Variants in SERPINA11 observed in about 807,000 individuals in gnomAD.
The protein encoded by SERPINA11 is serpin A11.
SERPINA11 carries 28 observed loss-of-function variants against 29.4 expected under a neutral mutation model. The observed-to-expected ratio is 0.95, with a 90% CI of 0.70 to 1.30. The LOEUF is 1.30. SERPINA11 is among the 50% of genes most tolerant of loss of function. The probability of loss-of-function intolerance (pLI) is 0.00; values close to 1 mark genes in which losing one functional copy is unlikely to be tolerated. For synonymous variants in SERPINA11, 253 were observed against 206.6 expected (o/e 1.22, Z -1.92); for missense variants, 530 against 507.3 (o/e 1.04, Z -0.43).
At chr14:94,449,525 CTT>C (rs1478827952) in intron 1 of SERPINA11, among the ~76,000 whole-genome samples, 11 of 138,556 alleles carry the variant, frequency 7.9e-5, no homozygotes, top group African/African-American at 1.9e-4. Flanking sequence ...TTCTTTCTTT[CTT>C]TTTCTTTCTT....
At chr14:94,447,993 G>A in intron 2 of SERPINA11, 139 bp downstream of exon 2, 2 of 808,918 alleles carry the variant, frequency 2.5e-6, no homozygotes, top group Non-Finnish European at 4.0e-6. Context: ...ATGGACTGTG[G>A]CTACGCAAGG....
At chr14:94,442,993 T>A (rs1898371773) in intron 4 of SERPINA11, 85 bp downstream of exon 4, 2 of 1,481,420 alleles carry the variant, frequency 1.4e-6, no homozygotes, top group East Asian at 4.5e-5. Context: ...AACAAGGAAC[T>A]TGACTTTTAA....
intron 1 of SERPINA11, 134 bp from the exon 2 acceptor site, chr14:94,448,911 T>G (rs749879820): frequency 1.4e-6 from 1 of 732,620 alleles, no homozygotes; most frequent in Admixed American, 3.3e-5. Context: ...AAGACAAGGC[T>G]GTGGATGATT....
rs1026630646 is a variant in SERPINA11 at position 94,449,403 on chromosome 14, T to C, written c.-3-626A>G. On this transcript the variant is annotated intron_variant, in intron 1 of 4. Transcript: ENST00000334708. ...TAGCCTCCCTCCCTCTTTCTTTCTTTCTATTCTTTCTTTCTTTCTTTCTTT... is the reference window on the plus strand; with the variant it reads ...TAGCCTCCCTCCCTCTTTCTTTCTTCCTATTCTTTCTTTCTTTCTTTCTTT... Among the ~76,000 whole-genome samples, 12 of 31,220 alleles carry C rather than the reference T, an allele frequency of 3.8e-4. 2 individuals carry two copies. Among genetic ancestry groups the C allele is most frequent in the African/African-American group, 1.3e-3 (12 of 9,044 alleles). The allele number at this position is 31,220 out of a possible 152,430, so 20.5% of individuals were successfully genotyped here.
chr14:94,449,429 C>CTTTCTT (rs1555373618), intron 1 of SERPINA11, among the ~76,000 whole-genome samples: 42 of 95,916 alleles, frequency 4.4e-4, no homozygotes, highest in South Asian at 7.6e-4. Flanking sequence ...TTCTTTCTTT[C>CTTTCTT]TTTCTTTCTT....
intron 2 of SERPINA11, 78 bp downstream of exon 2, chr14:94,448,054 A>G (rs948546197): frequency 2.9e-6 from 4 of 1,370,392 alleles, no homozygotes; most frequent in African/African-American, 2.9e-5. Flanking sequence ...TTAGCAAAGA[A>G]CCTATTAGCT....
At chr14:94,450,161 A>T (rs1264406989) in intron 1 of SERPINA11, among the ~76,000 whole-genome samples, 1 of 152,126 alleles carries the variant, frequency 6.6e-6, no homozygotes, top group Admixed American at 6.5e-5. Context: ...CAGAGGCTGA[A>T]ACCTCTCTAT....
rs1175227386 is a variant in SERPINA11, at chr14:94,442,882, T to C, written c.1066-73A>G. The C allele has an allele frequency of 4.3e-6, 6 of 1,389,066 alleles. No homozygotes were observed. In the South Asian group the frequency reaches 5.5e-5, roughly 13 times the overall value. 86.0% of individuals were successfully genotyped at this position (1,389,066 alleles called of 1,614,324 possible). ...AGGGGAAGACACTGTATTCCTGCCA[T>C]GAAGAATAGAAGGGACCTAAGGAAG... is the stretch of plus-strand genomic sequence containing the variant. On this transcript the variant is annotated intron_variant, in intron 4 of 4. Transcript: ENST00000334708.
At chr14:94,442,891 G>T in intron 4 of SERPINA11, 82 bp from the exon 5 acceptor site, 2 of 1,354,996 alleles carry the variant, frequency 1.5e-6, no homozygotes, top group South Asian at 1.4e-5. Context: ...ATGAAGAATA[G>T]AAGGGACCTA....
In SERPINA11 at chr14:94,443,155, T is replaced by C. The variant is rs778127708; in HGVS notation, c.988A>G (p.Ile330Val). ...AAGTTGAGTATGTTGGTGAGACCAATTTGGGGAAGTATGTCTTCCAGGTTA... is the reference window on the plus strand; with the variant it reads ...AAGTTGAGTATGTTGGTGAGACCAACTTGGGGAAGTATGTCTTCCAGGTTA... Reference protein sequence around the residue: ...TYNLEDILPQIGLTNILNLEA... With the variant: ...TYNLEDILPQVGLTNILNLEA... The change falls in exon 4 of 5, where the codon ATT becomes GTT. Residue 330 changes from isoleucine to valine, a missense_variant. Physicochemically the swap from Ile to Val is conservative, Grantham distance 29. Coordinates refer to ENST00000334708, the MANE Select transcript of SERPINA11 (RefSeq NM_001080451.2). 1.2e-5 allele frequency: 19 copies of C among 1,614,078 alleles called. No individual in the cohort carries two copies. The highest frequency in any genetic ancestry group is 1.6e-5 in the Non-Finnish European group (19 of 1,179,962).
At chr14:94,448,040 G>C in intron 2 of SERPINA11, 92 bp downstream of exon 2, 1 of 1,229,460 alleles carries the variant, frequency 8.1e-7, no homozygotes, top group Non-Finnish European at 1.1e-6. Context: ...ATTTCCCCAA[G>C]TGGTTAGCAA....
At chr14:94,443,017 C>A in intron 4 of SERPINA11, 61 bp downstream of exon 4, 1 of 1,540,854 alleles carries the variant, frequency 6.5e-7, no homozygotes, top group South Asian at 1.3e-5. Flanking sequence ...TCCCACATGC[C>A]AAAGGAGAAA....
Position 94,448,598 on chromosome 14 carries a change from C to T in SERPINA11, c.177G>A (p.Leu59=). The T allele has an allele frequency of 6.2e-7, 1 of 1,613,694 alleles. No individual in the cohort carries two copies. Among genetic ancestry groups the T allele is most frequent in the Non-Finnish European group, 8.5e-7 (1 of 1,179,704 alleles). ...RITPTITNFA[L]RLYKELAADA... ...CTGCTGCCAGCTCTTTATACAAACG[C>T]AAAGCAAAATTGGTAATGGTGGGTG... The change falls in exon 2 of 5, where the codon TTG becomes TTA. Residue 59 remains leucine (L), a synonymous_variant. Transcript: ENST00000334708.
In SERPINA11 at chr14:94,448,671, G is replaced by T. The variant is rs902711194; in HGVS notation, c.104C>A (p.Pro35His). ...HGDKSLQGPQ[P>H]PRHQLSEPAP... is the part of the protein sequence containing the mutation. ...TGGCTCTGAGAGCTGATGCCTGGGG[G>T]GTTGAGGCCCCTGCAGACTTTTATC... The change falls in exon 2 of 5, where the codon CCC (proline) becomes CAC (histidine). Residue 35 changes from proline (P) to histidine (H), a missense_variant. Transcript: ENST00000334708. The T allele has an allele frequency of 8.3e-6, 13 of 1,571,916 alleles. No individual in the cohort carries two copies. The highest frequency in any genetic ancestry group is 1.1e-5 in the Non-Finnish European group (13 of 1,159,374).
In SERPINA11 at chr14:94,443,235, G is replaced by A. The variant is rs1364916375; in HGVS notation, c.918-10C>T. The A allele has an allele frequency of 6.2e-7, 1 of 1,609,616 alleles. No individual in the cohort carries two copies. Among genetic ancestry groups the A allele is most frequent in the South Asian group, 1.1e-5 (1 of 89,948 alleles). The stretch of plus-strand genomic sequence containing the variant: ...GTGCAAATCCAACAGACTGGAGAGA[G>A]AAACAGACAGAGAAATGGTGCTCTC... On this transcript the variant is annotated splice_polypyrimidine_tract_variant and intron_variant, in intron 3 of 4. Coordinates refer to ENST00000334708, the MANE Select transcript of SERPINA11 (RefSeq NM_001080451.2).
chr14:94,448,890 G>T, intron 1 of SERPINA11, 113 bp from the exon 2 acceptor site: 1 of 958,026 alleles, frequency 1.0e-6, no homozygotes, highest in East Asian at 2.5e-5. Flanking sequence ...CTGCCATGAG[G>T]GGCACTGAAG....
At chr14:94,449,401 TTTCTA>T (rs746063745) in intron 1 of SERPINA11, among the ~76,000 whole-genome samples, 5,285 of 41,292 alleles carry the variant, frequency 0.13, 426 homozygotes, top group Middle Eastern at 0.19. Flanking sequence ...TCTTTCTTTC[TTTCTA>T]TTCTTTCTTT....
intron 4 of SERPINA11, 39 bp downstream of exon 4, chr14:94,443,039 C>T (rs779000711): frequency 7.6e-6 from 12 of 1,583,264 alleles, no homozygotes; most frequent in Non-Finnish European, 1.0e-5. Flanking sequence ...CTCCTACCTA[C>T]CCCCACCTGC....
rs1467049626 is a variant in SERPINA11 at position 94,448,398 on chromosome 14, AG to A, written c.376del (p.Ala127ProfsTer9). On this transcript the variant is annotated frameshift_variant, in exon 2 of 5. Transcript: ENST00000334708. LOFTEE classifies it high-confidence loss of function. ...HQGFRSLLHT[L>X]ALPSPKLELK... Reference sequence around the variant, plus strand: ...TTCGAGTTTGGGGCTGGGCAGGGCAAGGGTGTGGAGGAGGCTCCGGAAGCCC... The same window carrying A: ...TTCGAGTTTGGGGCTGGGCAGGGCAAGGTGTGGAGGAGGCTCCGGAAGCCC... 2 of 1,613,962 alleles carry A rather than the reference AG, an allele frequency of 1.2e-6. No homozygotes were observed. Among genetic ancestry groups the A allele is most frequent in the South Asian group, 2.2e-5 (2 of 91,078 alleles).
Sources: allele counts gnomAD v4.1 joint callset (sites outside exome capture counted in the v4.1 genomes callset), GRCh38; gene constraint gnomAD v4.1.1; transcripts MANE v1.5; gene names NCBI Gene and HGNC (gene_info 2026-07-23, HGNC 2026-07-21).